Variants in ATP8A2 observed in about 807,000 individuals in gnomAD.
The protein encoded by ATP8A2 is phospholipid-transporting ATPase IB.
ATP8A2 carries 100 observed loss-of-function variants against 165.6 expected under a neutral mutation model. The ratio of observed to expected loss-of-function variants is 0.60; its 90% CI spans 0.51 to 0.71. ATP8A2 has a LOEUF of 0.71. ATP8A2 is among the 30% of genes least tolerant of loss of function. The pLI, the probability that ATP8A2 is intolerant of heterozygous loss-of-function variation, is 0.00. For synonymous variants in ATP8A2, 543 were observed against 548.8 expected (o/e 0.99, Z 0.15); for missense variants, 1,227 against 1,479.5 (o/e 0.83, Z 2.80).
intron 24 of ATP8A2, among the ~76,000 whole-genome samples, chr13:25,697,055 T>G (rs935580139): frequency 2.6e-5 from 4 of 152,224 alleles, no homozygotes; most frequent in African/African-American, 9.6e-5. Flanking sequence ...CCGGTGCTGT[T>G]GGATAAATGG....
intron 27 of ATP8A2, among the ~76,000 whole-genome samples, chr13:25,805,414 G>T (rs1178807398): frequency 6.6e-6 from 1 of 152,128 alleles, no homozygotes; most frequent in African/African-American, 2.4e-5. Flanking sequence ...TACTTGGGAA[G>T]CTAAGATCAG....
intron 35 of ATP8A2, among the ~76,000 whole-genome samples, chr13:25,978,586 G>A (rs774732213): frequency 6.6e-5 from 10 of 151,904 alleles, no homozygotes; most frequent in South Asian, 2.1e-4. Flanking sequence ...AAGTGACTTT[G>A]TAGTGCATCT....
chr13:25,792,776 C>T (rs185381479), intron 27 of ATP8A2, among the ~76,000 whole-genome samples: 120 of 151,404 alleles, frequency 7.9e-4, no homozygotes, highest in African/African-American at 2.3e-3. Context: ...AAAAAATAGC[C>T]GGGGGTGGTG....
At chr13:25,932,258 C>T (rs2139074341) in intron 33 of ATP8A2, among the ~76,000 whole-genome samples, 1 of 152,218 alleles carries the variant, frequency 6.6e-6, no homozygotes, top group South Asian at 2.1e-4. Flanking sequence ...TGGTGTGGTC[C>T]TCAGAAAACA....
At chr13:25,551,231 T>G (rs1485284810) in intron 10 of ATP8A2, 107 bp from the exon 11 acceptor site, 1 of 1,076,002 alleles carries the variant, frequency 9.3e-7, no homozygotes, top group East Asian at 2.4e-5. Context: ...AAAAAAATAG[T>G]CTTTTACTTG....
chr13:25,839,489 TCA>T, intron 29 of ATP8A2, 55 bp from the exon 30 acceptor site: 1 of 1,267,156 alleles, frequency 7.9e-7, no homozygotes, highest in Non-Finnish European at 1.2e-6. Context: ...GTTGAGAGTT[TCA>T]CAGAGGTCAA....
At position 25,429,088 on chromosome 13, in the gene ATP8A2, C is replaced by T. The variant is rs373962033; in HGVS notation, c.77-39889C>T. On this transcript the variant is annotated intron_variant, in intron 1 of 36. Coordinates refer to ENST00000381655, the MANE Select transcript of ATP8A2 (RefSeq NM_016529.6). ...TAAGTCTAAAGAAATAATCTAGTGG[C>T]CGGGCACCGTGGCTCATGCCTGTAA... Among the ~76,000 whole-genome samples, 90 of 152,112 alleles carry T rather than the reference C, an allele frequency of 5.9e-4. 1 individual carries two copies. In the South Asian group the frequency reaches 0.013, roughly 22 times the overall value.
intron 24 of ATP8A2, among the ~76,000 whole-genome samples, chr13:25,655,657 C>G (rs2041912138): frequency 1.3e-5 from 2 of 151,578 alleles, no homozygotes; most frequent in African/African-American, 4.9e-5. Context: ...GGAATGGTCT[C>G]ACAGATTCCT....
intron 2 of ATP8A2, among the ~76,000 whole-genome samples, chr13:25,485,976 A>AT (rs561245095): frequency 1.3e-5 from 2 of 152,256 alleles, no homozygotes; most frequent in Middle Eastern, 3.4e-3. Flanking sequence ...AAAGCTTTCA[A>AT]TTTTTTGCCC....
At chr13:25,527,109 T>G (rs1294613034) in intron 2 of ATP8A2, among the ~76,000 whole-genome samples, 1 of 152,196 alleles carries the variant, frequency 6.6e-6, no homozygotes, top group Non-Finnish European at 1.5e-5. Context: ...ATAACCTTAG[T>G]GCTGTAAATT....
chr13:25,822,155 T>C lies in ATP8A2; in HGVS notation c.2680-5963T>C, dbSNP rs367827411. On this transcript the variant is annotated intron_variant, in intron 27 of 36. Transcript: ENST00000381655. Reference sequence around the variant, plus strand: ...GACTTATATTTAAAATTAAATCTTTTTAAACTTACTTAGAGTTCATTACAG... The same window carrying C: ...GACTTATATTTAAAATTAAATCTTTCTAAACTTACTTAGAGTTCATTACAG... Among the ~76,000 whole-genome samples, 20 of 152,318 alleles carry C rather than the reference T, an allele frequency of 1.3e-4. 1 individual carries two copies. The South Asian group carries it at 3.3e-3, about 25-fold the overall frequency.
chr13:25,428,790 T>C (rs2034523386), intron 1 of ATP8A2, among the ~76,000 whole-genome samples: 1 of 152,170 alleles, frequency 6.6e-6, no homozygotes, highest in Admixed American at 6.5e-5. Context: ...CCAGGGTCTT[T>C]CCAATGTTGC....
chr13:25,636,058 C>T (rs2041360298), intron 24 of ATP8A2, among the ~76,000 whole-genome samples: 1 of 152,016 alleles, frequency 6.6e-6, no homozygotes, highest in African/African-American at 2.4e-5. Context: ...GTAGTGGTGC[C>T]AGGATCAAGG....
rs532930380 is a variant in ATP8A2 at position 25,937,363 on chromosome 13, T to TTTCTTTTTTTTTTTC, written c.3184-24210_3184-24209insCTTTTTTTTTTTCTT. Reference sequence around the variant, plus strand: ...GCTTTGTCTTTCTATTCTTTCTTTCTTTTTTTTTTTTTTTTTGAACAGCCC... The same window carrying TTTCTTTTTTTTTTTC: ...GCTTTGTCTTTCTATTCTTTCTTTCTTTCTTTTTTTTTTTCTTTTTTTTTTTTTTTTGAACAGCCC... On this transcript the variant is annotated intron_variant, in intron 33 of 36. Transcript: ENST00000381655. Among the ~76,000 whole-genome samples, 357 of 62,976 alleles carry TTTCTTTTTTTTTTTC rather than the reference T, an allele frequency of 5.7e-3. 18 individuals are homozygous for TTTCTTTTTTTTTTTC. Among genetic ancestry groups the TTTCTTTTTTTTTTTC allele is most frequent in the African/African-American group, 0.026 (344 of 13,208 alleles). The allele number at this position is 62,976 out of a possible 152,430, so 41.3% of individuals were successfully genotyped here.
chr13:25,588,829 G>A (rs1323052322), intron 23 of ATP8A2, among the ~76,000 whole-genome samples: 1 of 152,174 alleles, frequency 6.6e-6, no homozygotes, highest in African/African-American at 2.4e-5. Flanking sequence ...CCAGTGCCCT[G>A]GCGGACACCT....
At chr13:25,911,184 T>C (rs1191035399) in intron 33 of ATP8A2, among the ~76,000 whole-genome samples, 1 of 152,142 alleles carries the variant, frequency 6.6e-6, no homozygotes, top group Non-Finnish European at 1.5e-5. Context: ...AAGATGTTAA[T>C]TGGTTGGGCC....
intron 1 of ATP8A2, among the ~76,000 whole-genome samples, chr13:25,434,540 G>T (rs138807077): frequency 1.3e-5 from 2 of 151,934 alleles, no homozygotes; most frequent in African/African-American, 4.8e-5. Context: ...GTAGAGGTAG[G>T]GTTTTGCCAT....
chr13:25,842,170 C>G (rs558405800), intron 30 of ATP8A2, among the ~76,000 whole-genome samples: 3 of 152,140 alleles, frequency 2.0e-5, no homozygotes, highest in African/African-American at 7.2e-5. Flanking sequence ...TATCAGAGGA[C>G]TGAGAGATGC....
chr13:25,806,730 T>G (rs1950749055), intron 27 of ATP8A2, among the ~76,000 whole-genome samples: 1 of 152,190 alleles, frequency 6.6e-6, no homozygotes. Flanking sequence ...TAACGCTATC[T>G]TTAACATTTT....
Sources: allele counts gnomAD v4.1 joint callset (sites outside exome capture counted in the v4.1 genomes callset), GRCh38; gene constraint gnomAD v4.1.1; transcripts MANE v1.5; gene names NCBI Gene and HGNC (gene_info 2026-07-23, HGNC 2026-07-21).